EDN1: variants seen among roughly 807,000 people sequenced by gnomAD.
The protein encoded by EDN1 is endothelin 1.
A neutral mutation model predicts 21.7 loss-of-function variants in EDN1; 11 were observed. The observed-to-expected ratio is 0.51, with a 90% CI of 0.32 to 0.84. The LOEUF (loss-of-function observed/expected upper bound fraction) is 0.84, where lower values mean the gene tolerates loss of function less well. EDN1 is among the 40% of genes least tolerant of loss of function. EDN1 has a pLI of 0.03. For missense variants in EDN1, 244 were observed against 262.3 expected (o/e 0.93, Z 0.48); for synonymous variants, 85 against 90.6 (o/e 0.94, Z 0.35).
chr6:12,293,984 G>A lies in EDN1; in HGVS notation c.277G>A (p.Ala93Thr), dbSNP rs763955920. 14 of 1,614,074 alleles carry A rather than the reference G, an allele frequency of 8.7e-6. No individual in the cohort carries two copies. The East Asian group carries it at 2.0e-4, about 23-fold the overall frequency. The change falls in exon 3 of 5, where the codon GCC (alanine) becomes ACC (threonine). Residue 93 changes from alanine (A) to threonine (T), a missense_variant. By Grantham distance (58) the Ala-to-Thr change is moderately conservative. Transcript: ENST00000379375. Reference protein sequence around the residue: ...YGLGSPRSKRALENLLPTKAT... With the variant: ...YGLGSPRSKRTLENLLPTKAT... ...ACTTGGAAGCCCTAGGTCCAAGAGA[G>A]CCTTGGAGAATTTACTTCCCACAAA...
chr6:12,280,770 G>C, the EDN1 span, among the ~76,000 whole-genome samples: 5,479 of 152,214 alleles, frequency 0.036, 294 homozygotes, highest in African/African-American at 0.12. Flanking sequence ...TCCTGCGCCT[G>C]TAATCCCAGC....
the EDN1 span, among the ~76,000 whole-genome samples, chr6:12,266,149 C>G: frequency 6.6e-6 from 1 of 152,088 alleles, no homozygotes; most frequent in Non-Finnish European, 1.5e-5. Context: ...ATAGGAATTG[C>G]TTGGGTGGGG....
chr6:12,253,665 C>G, the EDN1 span, among the ~76,000 whole-genome samples: 1 of 152,232 alleles, frequency 6.6e-6, no homozygotes, highest in East Asian at 1.9e-4. Flanking sequence ...AAGGGAACAG[C>G]ATTAAATAGG....
chr6:12,286,718 C>T (rs564871794), upstream of EDN1, among the ~76,000 whole-genome samples: 151 of 152,102 alleles, frequency 9.9e-4, no homozygotes, highest in Non-Finnish European at 1.8e-3. Context: ...ATTGGGGGCT[C>T]AGCATGTTTT....
chr6:12,244,315 T>C, the EDN1 span, among the ~76,000 whole-genome samples: 1 of 152,246 alleles, frequency 6.6e-6, no homozygotes, highest in South Asian at 2.1e-4. Flanking sequence ...ATTGAGTGAA[T>C]ATTTGACCTT....
At chr6:12,259,425 T>C in the EDN1 span, among the ~76,000 whole-genome samples, 7 of 150,888 alleles carry the variant, frequency 4.6e-5, no homozygotes, top group Non-Finnish European at 1.0e-4. Flanking sequence ...AGAAAGATTA[T>C]TATAAAAAGA....
intron 4 of EDN1, among the ~76,000 whole-genome samples, chr6:12,295,272 T>G (rs922671403): frequency 6.6e-6 from 1 of 152,174 alleles, no homozygotes; most frequent in Non-Finnish European, 1.5e-5. Context: ...TCTGAGTTAT[T>G]TACTACTGAT....
chr6:12,253,404 T>C, the EDN1 span, among the ~76,000 whole-genome samples: 11 of 152,178 alleles, frequency 7.2e-5, no homozygotes, highest in Admixed American at 3.3e-4. Context: ...AAAGCCTATA[T>C]TCTACAGGAG....
chr6:12,281,879 A>G, the EDN1 span, among the ~76,000 whole-genome samples: 3 of 146,800 alleles, frequency 2.0e-5, no homozygotes, highest in Admixed American at 6.7e-5. Flanking sequence ...TATTTCTTTC[A>G]TTTTCTATCT....
chr6:12,235,172 C>T, the EDN1 span, among the ~76,000 whole-genome samples: 3 of 152,068 alleles, frequency 2.0e-5, no homozygotes, highest in South Asian at 2.1e-4. Context: ...TTTTCTCATT[C>T]GTAGAATAGG....
intron 2 of EDN1, 58 bp from the exon 3 acceptor site, chr6:12,293,883 G>C (rs1762752834): frequency 1.3e-6 from 2 of 1,593,120 alleles, no homozygotes; most frequent in East Asian, 4.5e-5. Context: ...GTGTCCATGT[G>C]TCATTTTAAA....
the EDN1 span, among the ~76,000 whole-genome samples, chr6:12,241,033 T>A: frequency 1.3e-5 from 2 of 152,190 alleles, no homozygotes; most frequent in Non-Finnish European, 2.9e-5. Context: ...TGTGCAAATT[T>A]TTATTCCCTT....
the EDN1 span, among the ~76,000 whole-genome samples, chr6:12,280,740 C>T: frequency 6.6e-6 from 1 of 152,018 alleles, no homozygotes; most frequent in East Asian, 1.9e-4. Flanking sequence ...ACTGAAAGTA[C>T]AAATTAGCCA....
chr6:12,294,916 T>G (rs1390932103), intron 4 of EDN1, among the ~76,000 whole-genome samples: 2 of 117,500 alleles, frequency 1.7e-5, no homozygotes, highest in Non-Finnish European at 3.5e-5. Flanking sequence ...TTCAGGTTTA[T>G]GGTCTTTTTT....
the EDN1 span, among the ~76,000 whole-genome samples, chr6:12,244,208 A>T: frequency 1.3e-5 from 2 of 152,176 alleles, no homozygotes; most frequent in Admixed American, 1.3e-4. Context: ...AAATAAATTA[A>T]CTAATTTTAA....
chr6:12,248,572 T>C, the EDN1 span, among the ~76,000 whole-genome samples: 89,541 of 152,068 alleles, frequency 0.59, 26,588 homozygotes, highest in South Asian at 0.76. Context: ...GAGACAAGAA[T>C]AGCCACACTC....
chr6:12,242,213 C>T, the EDN1 span, among the ~76,000 whole-genome samples: 2 of 152,172 alleles, frequency 1.3e-5, no homozygotes, highest in Admixed American at 1.3e-4. Context: ...TGTCGCCCAA[C>T]AGTCAGTGTG....
the EDN1 span, among the ~76,000 whole-genome samples, chr6:12,284,560 G>A: frequency 1.1e-4 from 15 of 132,530 alleles, no homozygotes; most frequent in Admixed American, 9.4e-4. Context: ...AAGGAAGGAA[G>A]GAAAAGCAAG....
chr6:12,261,917 G>T, the EDN1 span, among the ~76,000 whole-genome samples: 1 of 152,178 alleles, frequency 6.6e-6, no homozygotes, highest in South Asian at 2.1e-4. Flanking sequence ...GAGAGGGGTC[G>T]CCAGAATTAG....
Sources: gnomAD v4.1 joint callset for allele counts (sites outside exome capture counted in the v4.1 genomes callset) on GRCh38, gnomAD v4.1.1 for gene constraint, MANE v1.5 for transcripts, NCBI Gene and HGNC (gene_info 2026-07-23, HGNC 2026-07-21) for gene names.